The following ZNF91 variants were observed in gnomAD, a reference collection of about 807,000 sequenced individuals.
The protein encoded by ZNF91 is zinc finger protein 91 (HPF7, HTF10).
Under a neutral mutation model 12.6 loss-of-function variants are expected in ZNF91, and 7 were observed. The observed-to-expected ratio is 0.55, with a 90% CI of 0.31 to 1.04. The LOEUF (loss-of-function observed/expected upper bound fraction) is 1.04. ZNF91 is among the 50% of genes least tolerant of loss of function. The probability of loss-of-function intolerance (pLI) is 0.05; values close to 1 mark genes in which losing one functional copy is unlikely to be tolerated. For synonymous variants in ZNF91, 453 were observed against 462.6 expected (o/e 0.98, Z 0.27); for missense variants, 1,217 against 1,385.4 (o/e 0.88, Z 1.93).
At chr19:23,315,428 C>T (rs2145848445), upstream of ZNF91, among the ~76,000 whole-genome samples, 1 of 152,310 alleles carries the variant, frequency 6.6e-6, no homozygotes, top group Middle Eastern at 3.4e-3. Context: ...TGACTCTTCT[C>T]TTTTGCTTGT....
rs62122232 is a variant in ZNF91, at chr19:23,379,892, C to T, written c.31-5128G>A. Among the ~76,000 whole-genome samples, 144 of 136,368 alleles carry T rather than the reference C, an allele frequency of 1.1e-3. No individual in the cohort carries two copies. In the Middle Eastern group the frequency reaches 0.014, roughly 14 times the overall value. 89.5% of individuals were successfully genotyped at this position (136,368 alleles called of 152,430 possible). On this transcript the variant is annotated intron_variant, in intron 1 of 3. Coordinates refer to ENST00000300619, the MANE Select transcript of ZNF91 (RefSeq NM_003430.4). The stretch of plus-strand genomic sequence containing the variant: ...CCACTGTGGTACAGCCCACAGCACA[C>T]GGCTCACAGCTGGCAGCTCACATCT...
At chr19:23,387,489 G>C (rs556402181) in intron 1 of ZNF91, among the ~76,000 whole-genome samples, 5 of 152,294 alleles carry the variant, frequency 3.3e-5, no homozygotes, top group African/African-American at 1.2e-4. Context: ...GGCCAAGGCA[G>C]GTGGACTGCC....
At chr19:23,368,562 C>CTCTCTATA (rs768532900) in intron 3 of ZNF91, among the ~76,000 whole-genome samples, 33 of 118,620 alleles carry the variant, frequency 2.8e-4, no homozygotes, top group South Asian at 6.5e-4. Flanking sequence ...CTCTCTCTCT[C>CTCTCTATA]TATATATATA....
chr19:23,321,381 A>G (rs558421214), intron 1 of ZNF91, among the ~76,000 whole-genome samples: 14 of 151,908 alleles, frequency 9.2e-5, no homozygotes, highest in African/African-American at 3.4e-4. Flanking sequence ...GTGACACATC[A>G]CTCATTCTAA....
chr19:23,337,641 A>T (rs1968040617), downstream of ZNF91, among the ~76,000 whole-genome samples: 1 of 152,086 alleles, frequency 6.6e-6, no homozygotes, highest in Admixed American at 6.5e-5. Flanking sequence ...CAGTACTCTA[A>T]GAAAAAAAAA....
At chr19:23,373,382 AT>A (rs1302249718) in intron 3 of ZNF91, among the ~76,000 whole-genome samples, 6 of 73,098 alleles carry the variant, frequency 8.2e-5, no homozygotes, top group East Asian at 4.3e-4. Context: ...ATATATATAT[AT>A]ATAAATAAAC....
At chr19:23,328,124 CTT>C (rs1169413808) in intron 1 of ZNF91, 4 of 151,756 alleles carry the variant, frequency 2.6e-5, no homozygotes, top group African/African-American at 9.7e-5. Context: ...AAGGTTCTGT[CTT>C]TACCACCAAG....
chr19:23,334,005 T>C (rs1426097531), downstream of ZNF91, among the ~76,000 whole-genome samples: 1 of 152,158 alleles, frequency 6.6e-6, no homozygotes, highest in Non-Finnish European at 1.5e-5. Context: ...AATTCACCAG[T>C]GACTCACAAA....
upstream of ZNF91, among the ~76,000 whole-genome samples, chr19:23,315,476 C>G (rs1390715855): frequency 6.6e-6 from 1 of 152,256 alleles, no homozygotes; most frequent in South Asian, 2.1e-4. Flanking sequence ...TACCACTAGG[C>G]CCAGCACACA....
In ZNF91 at chr19:23,381,934, C is replaced by T. The variant is rs548255412; in HGVS notation, c.31-7170G>A. On this transcript the variant is annotated intron_variant, in intron 1 of 3. Coordinates refer to ENST00000300619, the MANE Select transcript of ZNF91 (RefSeq NM_003430.4). ...AACTTTTGTGTGCTTTTAGAATGAG[C>T]AAGACTGAACAAATCTGTGTCAACT... 8.6e-5 allele frequency among the ~76,000 whole-genome samples: 13 copies of T among 150,402 alleles called. No individual in the cohort carries two copies. The South Asian group carries it at 2.5e-3, about 29-fold the overall frequency.
At chr19:23,369,026 C>T (rs1372154503) in intron 3 of ZNF91, among the ~76,000 whole-genome samples, 1 of 151,948 alleles carries the variant, frequency 6.6e-6, no homozygotes, top group Admixed American at 6.6e-5. Context: ...AAAATGAAAC[C>T]CTTGGCTGGG....
chr19:23,313,791 TCA>T (rs1235354519), upstream of ZNF91, among the ~76,000 whole-genome samples: 3 of 152,218 alleles, frequency 2.0e-5, no homozygotes, highest in African/African-American at 7.2e-5. Context: ...TTGGTGAATC[TCA>T]GACTATGATT....
At chr19:23,364,675 TA>T (rs930580172) in intron 3 of ZNF91, among the ~76,000 whole-genome samples, 19 of 151,872 alleles carry the variant, frequency 1.3e-4, no homozygotes, top group African/African-American at 1.7e-4. Context: ...GTTTCTCCCA[TA>T]AAAAAATATA....
At chr19:23,393,798 G>A (rs927932342) in intron 1 of ZNF91, among the ~76,000 whole-genome samples, 3 of 152,090 alleles carry the variant, frequency 2.0e-5, no homozygotes, top group South Asian at 2.1e-4. Context: ...CCAGGAGTTC[G>A]AGACCAGCCT....
exon 4 of ZNF91, chr19:23,338,963 A>C (rs1968068956): frequency 6.6e-6 from 1 of 151,934 alleles, no homozygotes; most frequent in African/African-American, 2.4e-5. Context: ...GAGACAGGAG[A>C]ATCACTTCAA....
chr19:23,368,550 C>CTATA (rs1203874295), intron 3 of ZNF91, among the ~76,000 whole-genome samples: 18 of 68,408 alleles, frequency 2.6e-4, no homozygotes, highest in East Asian at 9.8e-4. Context: ...CTCTCTCTCT[C>CTATA]TCTCTCTCTC....
intron 1 of ZNF91, among the ~76,000 whole-genome samples, chr19:23,381,818 A>G (rs1170955794): frequency 6.6e-6 from 1 of 152,104 alleles, no homozygotes; most frequent in Admixed American, 6.5e-5. Flanking sequence ...AATAATCATC[A>G]TGGATAATCA....
At chr19:23,356,329 A>ATT (rs1223619681), downstream of ZNF91, among the ~76,000 whole-genome samples, 3 of 152,092 alleles carry the variant, frequency 2.0e-5, no homozygotes, top group Non-Finnish European at 4.4e-5. Context: ...GTGTGTGTAT[A>ATT]TATATATAAA....
intron 3 of ZNF91, chr19:23,306,933 G>A (rs528340119): frequency 6.6e-5 from 10 of 152,270 alleles, no homozygotes; most frequent in Admixed American, 2.0e-4. Context: ...TAGAATTACA[G>A]GTGCCTGCCA....
Sources: allele counts gnomAD v4.1 joint callset (sites outside exome capture counted in the v4.1 genomes callset), GRCh38; gene constraint gnomAD v4.1.1; transcripts MANE v1.5; gene names NCBI Gene and HGNC (gene_info 2026-07-23, HGNC 2026-07-21).